Variants in NCOA6 observed in about 807,000 individuals in gnomAD.
The protein encoded by NCOA6 is NRC RAP250.
Under a neutral mutation model 171.4 loss-of-function variants are expected in NCOA6, and 49 were observed. The ratio of observed to expected loss-of-function variants is 0.29; its 90% confidence interval spans 0.23 to 0.36. NCOA6 has a LOEUF of 0.36. Among genes scored for constraint, NCOA6 ranks in the 10% least tolerant of loss-of-function variants. The pLI is 1.00. For synonymous variants in NCOA6, 910 were observed against 927.5 expected, an observed-to-expected ratio of 0.98 and a Z score of 0.34; for missense variants, 2,248 against 2,554.5, an observed-to-expected ratio of 0.88 and a Z score of 2.59.
chr20:34,749,631 G>A lies in NCOA6; in HGVS notation c.2564C>T (p.Ala855Val), dbSNP rs762398246. 2 of 1,614,236 alleles carry A rather than the reference G, an allele frequency of 1.2e-6. No homozygotes were observed. The highest frequency in any genetic ancestry group is 1.1e-5 in the South Asian group (1 of 91,084). ...HFSGHGMSFN[A>V]PFSGAPNGNQ... ...TCCATTGGGAGCTCCACTGAAAGGT[G>A]CATTGAAAGACATCCCATGGCCTGA... The change falls in exon 9 of 15, where the codon GCA (alanine) becomes GTA (valine). Residue 855 changes from alanine (A) to valine (V), a missense_variant. By Grantham distance (64) the Ala-to-Val change is moderately conservative (BLOSUM62 0). Transcript: ENST00000359003.
At chr20:34,806,645 A>T (rs1421151005) in intron 1 of NCOA6, among the ~76,000 whole-genome samples, 1 of 152,150 alleles carries the variant, frequency 6.6e-6, no homozygotes, top group African/African-American at 2.4e-5. Context: ...TTCTCAGCAT[A>T]TGCATTGAAG....
At chr20:34,776,788 C>G (rs1157778468) in intron 3 of NCOA6, 7 of 470,710 alleles carry the variant, frequency 1.5e-5, no homozygotes, top group Non-Finnish European at 2.5e-5. Flanking sequence ...GAACGGAAAG[C>G]CGTAAGATGG....
At position 34,757,816 on chromosome 20, in the gene NCOA6, T is replaced by C. The variant is rs1160124480; in HGVS notation, c.932A>G (p.Gln311Arg). The change falls in exon 7 of 15, where the codon CAG becomes CGG. Residue 311 changes from glutamine (Q) to arginine (R), a missense_variant. By Grantham distance (43) the Gln-to-Arg change is conservative. Around this residue, in one of 7 missense-constraint regions of NCOA6, gnomAD observed 987 missense variants for 1,104.7 expected, o/e 0.89. Transcript: ENST00000359003. ...GIRPQFTAPT[Q>R]VPVPPGWNQL... ...GTTCCAGCCTGGAGGAACAGGCACC[T>C]GAGTTGGGGCAGTAAACTGGGGTCG... is the stretch of plus-strand genomic sequence containing the variant. The C allele has an allele frequency of 2.5e-6, 4 of 1,614,018 alleles. No homozygotes were observed. The East Asian group carries it at 8.9e-5, about 36-fold the overall frequency.
chr20:34,776,121 A>T (rs2077312752), intron 4 of NCOA6, among the ~76,000 whole-genome samples, 172 bp downstream of exon 4: 1 of 152,266 alleles, frequency 6.6e-6, no homozygotes, highest in Admixed American at 6.5e-5. Flanking sequence ...CAATAACCTC[A>T]GTCAGTCCCT....
intron 13 of NCOA6, 142 bp from the exon 14 acceptor site, chr20:34,727,549 G>T: frequency 1.2e-6 from 1 of 834,736 alleles, no homozygotes; most frequent in Non-Finnish European, 1.8e-6. Context: ...TCAACCTGGG[G>T]TAATAAGCAC....
At chr20:34,774,296 C>T (rs529492695) in intron 4 of NCOA6, among the ~76,000 whole-genome samples, 3 of 152,258 alleles carry the variant, frequency 2.0e-5, no homozygotes, top group Admixed American at 6.5e-5. Flanking sequence ...AATAGTTGTT[C>T]GACTTCCACT....
chr20:34,721,238 C>CAAA (rs10531679), intron 14 of NCOA6, among the ~76,000 whole-genome samples: 17 of 66,048 alleles, frequency 2.6e-4, no homozygotes, highest in African/African-American at 7.0e-4. Flanking sequence ...TTCCTCTATA[C>CAAA]AAAAAAAAAA....
rs577787603 is a variant in NCOA6 at position 34,801,425 on chromosome 20, A to T, written c.-163-8862T>A. 5.3e-5 allele frequency among the ~76,000 whole-genome samples: 8 copies of T among 152,286 alleles called. No individual in the cohort carries two copies. The East Asian group carries it at 1.3e-3, about 26-fold the overall frequency. ...AATGAAAAGCTGCCTTTTTGAAAAG[A>T]TAAACAAAATTGACAACCTTTAACC... On this transcript the variant is annotated intron_variant, in intron 1 of 14. Transcript: ENST00000359003.
intron 14 of NCOA6, among the ~76,000 whole-genome samples, chr20:34,724,512 T>C (rs1989737371): frequency 6.6e-6 from 1 of 152,174 alleles, no homozygotes; most frequent in African/African-American, 2.4e-5. Flanking sequence ...CTGCTGATAA[T>C]CAGGAACTCA....
At chr20:34,790,272 CA>C (rs2077828815) in intron 2 of NCOA6, among the ~76,000 whole-genome samples, 1 of 152,106 alleles carries the variant, frequency 6.6e-6, no homozygotes, top group Non-Finnish European at 1.5e-5. Flanking sequence ...AGATAAACCT[CA>C]AAAACTATAT....
At position 34,715,468 on chromosome 20, in the gene NCOA6, C is replaced by T. The variant is rs114876954; in HGVS notation, c.6149-103G>A. The T allele has an allele frequency of 2.7e-3, 2,236 of 826,462 alleles. 39 individuals carry two copies. In the African/African-American group the frequency reaches 0.032, roughly 12 times the overall value. 51.2% of individuals were successfully genotyped at this position (826,462 alleles called of 1,614,324 possible). On this transcript the variant is annotated intron_variant, in intron 14 of 14. Transcript: ENST00000359003. ...GGGCAGACCTAAGGGGAGCCCTACTCAACTCAGAATCTGTCTAAGGGGTGC... is the reference window on the plus strand; with the variant it reads ...GGGCAGACCTAAGGGGAGCCCTACTTAACTCAGAATCTGTCTAAGGGGTGC...
chr20:34,739,299 A>G (rs2076057486), intron 11 of NCOA6, among the ~76,000 whole-genome samples: 2 of 152,234 alleles, frequency 1.3e-5, no homozygotes, highest in Non-Finnish European at 2.9e-5. Flanking sequence ...GTACTACCTT[A>G]TTGAATTCTT....
Position 34,759,336 on chromosome 20 carries a change from G to A in NCOA6, c.515-403C>T, listed in dbSNP as rs368956672. The stretch of plus-strand genomic sequence containing the variant: ...ACTACAGGCGTGAGCTACTGCACCC[G>A]GCCTGGAAGTTTCTACACCCACCAT... On this transcript the variant is annotated intron_variant, in intron 5 of 14. Coordinates refer to ENST00000359003, the MANE Select transcript of NCOA6 (RefSeq NM_014071.5). 1.9e-4 allele frequency among the ~76,000 whole-genome samples: 29 copies of A among 152,132 alleles called. 1 individual carries two copies. In the East Asian group the frequency reaches 2.1e-3, roughly 11 times the overall value.
At chr20:34,771,942 A>T (rs1323613224) in intron 4 of NCOA6, among the ~76,000 whole-genome samples, 3 of 152,062 alleles carry the variant, frequency 2.0e-5, no homozygotes, top group African/African-American at 7.2e-5. Context: ...CTCCCCCATC[A>T]CTATACAGGG....
At chr20:34,812,693 T>C (rs575382600) in intron 1 of NCOA6, among the ~76,000 whole-genome samples, 2 of 151,868 alleles carry the variant, frequency 1.3e-5, no homozygotes, top group East Asian at 3.9e-4. Flanking sequence ...GAAAAAAAAT[T>C]ACAAATGAAT....
chr20:34,807,856 C>G (rs1329391569), intron 1 of NCOA6, among the ~76,000 whole-genome samples: 2 of 146,038 alleles, frequency 1.4e-5, no homozygotes, highest in Non-Finnish European at 3.0e-5. Context: ...TTTGTAGAAA[C>G]AGTATCTTGC....
chr20:34,743,867 T>C (rs1357073765), intron 10 of NCOA6, among the ~76,000 whole-genome samples: 1 of 152,244 alleles, frequency 6.6e-6, no homozygotes, highest in Non-Finnish European at 1.5e-5. Flanking sequence ...TTTTTATTCT[T>C]TCAACAGAAG....
intron 1 of NCOA6, among the ~76,000 whole-genome samples, chr20:34,802,243 G>C (rs1263411821): frequency 6.6e-6 from 1 of 152,256 alleles, no homozygotes; most frequent in Non-Finnish European, 1.5e-5. Context: ...AAGGCAGGCA[G>C]ATCACCTGAG....
At chr20:34,749,359 G>A (rs1164133159) in intron 9 of NCOA6, 44 bp downstream of exon 9, 1 of 1,543,894 alleles carries the variant, frequency 6.5e-7, no homozygotes, top group Non-Finnish European at 8.7e-7. Context: ...TATCCACACA[G>A]AAAACAAATG....
Sources: allele counts gnomAD v4.1 joint callset (sites outside exome capture counted in the v4.1 genomes callset), GRCh38; gene constraint gnomAD v4.1.1; regional missense constraint gnomAD v4.1.1; transcripts MANE v1.5; gene names NCBI Gene and HGNC (gene_info 2026-07-23, HGNC 2026-07-21).